Variants in ACAT1 observed in about 807,000 individuals in gnomAD.
ACAT1 encodes the protein acetyl-CoA acetyltransferase, mitochondrial.
In ACAT1, 28 loss-of-function variants were observed where a neutral mutation model predicts 47.3. The ratio of observed to expected loss-of-function variants is 0.59; its 90% CI spans 0.44 to 0.81. The LOEUF is 0.81. Among genes scored for constraint, ACAT1 ranks in the 30% least tolerant of loss-of-function variants. ACAT1 has a pLI of 0.00. For missense variants in ACAT1, 469 were observed against 524.3 expected (o/e 0.89, Z 1.03); for synonymous variants, 181 against 173.6 (o/e 1.04, Z -0.34).
In ACAT1 at chr11:108,123,695, T is replaced by C. The variant is rs114090969; in HGVS notation, c.72+2017T>C. Among the ~76,000 whole-genome samples the C allele has an allele frequency of 7.6e-3, 1,154 of 152,318 alleles. 18 individuals are homozygous for C. Among genetic ancestry groups the C allele is most frequent in the African/African-American group, 0.026 (1,073 of 41,576 alleles). ...TTTTCTTTGTTTTTTAATTATTTTTTTAAATCTATTTTAATTTTAGTTTTT... is the reference window on the plus strand; with the variant it reads ...TTTTCTTTGTTTTTTAATTATTTTTCTAAATCTATTTTAATTTTAGTTTTT... On this transcript the variant is annotated intron_variant, in intron 1 of 11. Coordinates refer to ENST00000265838, the MANE Select transcript of ACAT1 (RefSeq NM_000019.4).
rs2077149832 is a variant in ACAT1 at position 108,121,619 on chromosome 11, G to GGCACGGCTGTGCTGC, written c.13_14insGCACGGCTGTGCTGC (p.Ala5delinsGlyThrAlaValLeuPro). ...GCCCTCTGCGACCATGGCTGTGCTG[G>GGCACGGCTGTGCTGC]CGGCACTTCTGCGCAGCGGCGCCCG... is the stretch of plus-strand genomic sequence containing the variant. On this transcript the variant is annotated protein_altering_variant, in exon 1 of 12. Coordinates refer to ENST00000265838, the MANE Select transcript of ACAT1 (RefSeq NM_000019.4). 6.5e-7 allele frequency: 1 copy of GGCACGGCTGTGCTGC among 1,550,064 alleles called. No individual in the cohort carries two copies. Among genetic ancestry groups the GGCACGGCTGTGCTGC allele is most frequent in the Non-Finnish European group, 8.7e-7 (1 of 1,147,042 alleles).
upstream of ACAT1, chr11:108,121,427 G>T: frequency 2.9e-6 from 2 of 692,008 alleles, no homozygotes; most frequent in South Asian, 3.4e-5. Context: ...GGCCCAGGCT[G>T]CGGTGTCCCA....
Position 108,121,691 on chromosome 11 carries a change from C to T in ACAT1, c.72+13C>T, listed in dbSNP as rs780504384. Reference sequence around the variant, plus strand: ...GAGGCTGGTGCAGGTGAGCGGGGTTCGTCCCCACAGCACTCAGACCCGGGA... The same window carrying T: ...GAGGCTGGTGCAGGTGAGCGGGGTTTGTCCCCACAGCACTCAGACCCGGGA... On this transcript the variant is annotated intron_variant, in intron 1 of 11. Coordinates refer to ENST00000265838, the MANE Select transcript of ACAT1 (RefSeq NM_000019.4). The T allele has an allele frequency of 4.5e-5, 70 of 1,547,232 alleles. No homozygotes were observed. Among genetic ancestry groups the T allele is most frequent in the Admixed American group, 2.6e-4 (13 of 50,974 alleles).
chr11:108,127,294 TCACTCTGTCACC>T (rs2077269650), intron 1 of ACAT1, among the ~76,000 whole-genome samples: 1 of 148,644 alleles, frequency 6.7e-6, no homozygotes, highest in African/African-American at 2.5e-5. Flanking sequence ...AGACAGAGTC[TCACTCTGTCACC>T]CAGGCTGGAG....
At chr11:108,136,019 C>T (rs561425472) in intron 5 of ACAT1, 448 of 590,118 alleles carry the variant, frequency 7.6e-4, no homozygotes, top group Non-Finnish European at 1.2e-3. Flanking sequence ...AAGTTAAGTT[C>T]TACAGGCTTT....
intron 5 of ACAT1, among the ~76,000 whole-genome samples, chr11:108,138,116 G>A (rs2077502756): frequency 6.7e-6 from 1 of 149,194 alleles, no homozygotes; most frequent in African/African-American, 2.5e-5. Flanking sequence ...AGCCTCCCGA[G>A]TAGCTGGGAC....
rs565431089 is a variant in ACAT1, at chr11:108,132,019, A to G, written c.120+65A>G. ...AAAGGAAATGTCAATAAAAATGCAT[A>G]TACTTATGATTTGGATACATGTGAA... On this transcript the variant is annotated intron_variant, in intron 2 of 11. Coordinates refer to ENST00000265838, the MANE Select transcript of ACAT1 (RefSeq NM_000019.4). 3 of 1,011,666 alleles carry G rather than the reference A, an allele frequency of 3.0e-6. No individual in the cohort carries two copies. The South Asian group carries it at 4.1e-5, about 14-fold the overall frequency. The allele number at this position is 1,011,666 out of a possible 1,614,324, so 62.7% of individuals were successfully genotyped here.
intron 1 of ACAT1, among the ~76,000 whole-genome samples, chr11:108,122,771 CTATT>C (rs948798994): frequency 3.3e-5 from 5 of 152,004 alleles, no homozygotes; most frequent in Non-Finnish European, 7.4e-5. Context: ...AGTTTTTAGC[CTATT>C]TGTTAGTCTC....
At chr11:108,140,964 A>G (rs1209049569) in intron 7 of ACAT1, among the ~76,000 whole-genome samples, 1 of 152,064 alleles carries the variant, frequency 6.6e-6, no homozygotes, top group Non-Finnish European at 1.5e-5. Context: ...AGTGGCTCAC[A>G]CCTGTAATCC....
upstream of ACAT1, among the ~76,000 whole-genome samples, chr11:108,118,268 A>T (rs1051036608): frequency 6.6e-6 from 1 of 152,180 alleles, no homozygotes; most frequent in East Asian, 1.9e-4. Context: ...ACTAGTACTA[A>T]TAATAATAAA....
intron 1 of ACAT1, among the ~76,000 whole-genome samples, chr11:108,126,797 T>C (rs917172608): frequency 7.1e-5 from 3 of 42,450 alleles, no homozygotes; most frequent in African/African-American, 9.3e-5. Context: ...TTTTCTTTTT[T>C]TTTTTTTTTT....
intron 1 of ACAT1, among the ~76,000 whole-genome samples, chr11:108,122,842 G>A (rs1262271297): frequency 6.6e-6 from 1 of 152,066 alleles, no homozygotes; most frequent in South Asian, 2.1e-4. Flanking sequence ...GTTTCAGTCA[G>A]TATTGACTAG....
chr11:108,140,149 A>C lies in ACAT1; in HGVS notation c.664A>C (p.Ser222Arg), dbSNP rs1591368826. Residue 222 changes from serine to arginine, a missense_variant, in exon 7 of 12, where the codon AGT becomes CGT. By Grantham distance (110) the Ser-to-Arg change is moderately radical. Transcript: ENST00000265838. Reference protein sequence around the residue: ...DAYAINSYTRSKAAWEAGKFG... With the variant: ...DAYAINSYTRRKAAWEAGKFG... ...TTATGCTATTAATTCTTATACCAGA[A>C]GTAAAGCAGCATGGGAAGCTGGGAA... The C allele has an allele frequency of 6.2e-7, 1 of 1,614,210 alleles. No homozygotes were observed. Among genetic ancestry groups the C allele is most frequent in the Non-Finnish European group, 8.5e-7 (1 of 1,180,018 alleles).
Position 108,140,015 on chromosome 11 carries a change from T to G in ACAT1, c.580-50T>G, listed in dbSNP as rs764599636. ...ATAAGTTAGGCAAAGTTAATAGATA[T>G]TTTCTAAATTATGCAAAGTTAACTT... On this transcript the variant is annotated intron_variant, in intron 6 of 11. Coordinates refer to ENST00000265838, the MANE Select transcript of ACAT1 (RefSeq NM_000019.4). 1.9e-5 allele frequency: 30 copies of G among 1,568,864 alleles called. No individual in the cohort carries two copies. In the Admixed American group the frequency reaches 4.3e-4, roughly 22 times the overall value.
chr11:108,142,665 C>A, intron 9 of ACAT1, 115 bp downstream of exon 9: 1 of 810,124 alleles, frequency 1.2e-6, no homozygotes, highest in Non-Finnish European at 2.1e-6. Flanking sequence ...AGTGAGACTT[C>A]GTCTCTACAA....
chr11:108,124,056 G>A (rs2077202590), intron 1 of ACAT1, among the ~76,000 whole-genome samples: 1 of 152,170 alleles, frequency 6.6e-6, no homozygotes, highest in South Asian at 2.1e-4. Flanking sequence ...GCTGGGTGTA[G>A]CCACTGGAAG....
intron 10 of ACAT1, 195 bp downstream of exon 10, chr11:108,144,242 C>G: frequency 1.6e-6 from 1 of 623,824 alleles, no homozygotes; most frequent in African/African-American, 1.8e-5. Context: ...TAAAGAACAG[C>G]TCACAAACTA....
At chr11:108,141,207 CTG>C (rs1271223825) in intron 7 of ACAT1, among the ~76,000 whole-genome samples, 1 of 151,638 alleles carries the variant, frequency 6.6e-6, no homozygotes, top group Non-Finnish European at 1.5e-5. Flanking sequence ...TATTGGGAGA[CTG>C]TGCAAGACCA....
At position 108,141,544 on chromosome 11, in the gene ACAT1, C is replaced by A. The variant is rs1056468321; in HGVS notation, c.731-61C>A. 6 of 1,275,096 alleles carry A rather than the reference C, an allele frequency of 4.7e-6. No homozygotes were observed. In the African/African-American group the frequency reaches 7.3e-5, roughly 16 times the overall value. 79.0% of individuals were successfully genotyped at this position (1,275,096 alleles called of 1,614,324 possible). A position where few individuals can be genotyped will look rare whatever the true frequency, so the allele number is the denominator to read the frequency against. ...ACAGACTACTAGGCATCTTGTACAA[C>A]AGTTGCTTGCTGAATGACTACTTGT... On this transcript the variant is annotated intron_variant, in intron 7 of 11. Coordinates refer to ENST00000265838, the MANE Select transcript of ACAT1 (RefSeq NM_000019.4).
Sources: allele counts gnomAD v4.1 joint callset (sites outside exome capture counted in the v4.1 genomes callset), GRCh38; gene constraint gnomAD v4.1.1; transcripts MANE v1.5; gene names NCBI Gene and HGNC (gene_info 2026-07-23, HGNC 2026-07-21).